The following FGF12 variants were observed in gnomAD, a reference collection of about 807,000 sequenced individuals.
FGF12 encodes fibroblast growth factor 12B.
FGF12 carries 14 observed loss-of-function variants against 23.6 expected under a neutral mutation model. That is an observed-to-expected ratio of 0.59 (90% CI 0.39 to 0.93). The LOEUF is 0.93. Among genes scored for constraint, FGF12 ranks in the 40% least tolerant of loss-of-function variants. FGF12 has a pLI of 0.00. For missense variants in FGF12, 175 were observed against 217.8 expected, an observed-to-expected ratio of 0.80 and a Z score of 1.24; for synonymous variants, 62 against 77.3, an observed-to-expected ratio of 0.80 and a Z score of 1.04.
At chr3:192,150,687 G>A (rs1473744237) in intron 5 of FGF12, among the ~76,000 whole-genome samples, 2 of 149,326 alleles carry the variant, frequency 1.3e-5, no homozygotes, top group South Asian at 2.2e-4. Context: ...CTCTGTTTTG[G>A]TACCAGTACC....
chr3:192,448,813 TGCCATAC>T (rs1722436415), intron 2 of FGF12, among the ~76,000 whole-genome samples: 1 of 152,240 alleles, frequency 6.6e-6, no homozygotes, highest in African/African-American at 2.4e-5. Context: ...GCCACCAATA[TGCCATAC>T]AGTTTAGCTT....
intron 2 of FGF12, among the ~76,000 whole-genome samples, chr3:192,629,509 A>G (rs953126246): frequency 3.3e-5 from 5 of 152,234 alleles, no homozygotes; most frequent in Admixed American, 1.3e-4. Flanking sequence ...TGGGCTCAGA[A>G]GTCAGATGAA....
intron 2 of FGF12, among the ~76,000 whole-genome samples, chr3:192,489,836 A>C (rs1454175690): frequency 6.6e-6 from 1 of 152,018 alleles, no homozygotes; most frequent in African/African-American, 2.4e-5. Flanking sequence ...CAGAGGGTGG[A>C]GGCTGGGAAG....
At chr3:192,691,842 TA>T (rs1200804288) in intron 2 of FGF12, among the ~76,000 whole-genome samples, 3 of 147,434 alleles carry the variant, frequency 2.0e-5, no homozygotes, top group African/African-American at 7.3e-5. Context: ...AACATTACAA[TA>T]AATGCCTCAG....
intron 2 of FGF12, among the ~76,000 whole-genome samples, chr3:192,690,584 TAC>T (rs746028795): frequency 3.5e-5 from 1 of 28,472 alleles, no homozygotes; most frequent in African/African-American, 1.6e-4. Flanking sequence ...ACCACAACAC[TAC>T]AAAAAAAAAA....
chr3:192,305,673 A>ATAT (rs1220775469), intron 4 of FGF12, among the ~76,000 whole-genome samples: 4 of 117,692 alleles, frequency 3.4e-5, no homozygotes, highest in African/African-American at 1.5e-4. Context: ...TAGGAAAAAA[A>ATAT]AAAAAAATAT....
At position 192,170,464 on chromosome 3, in the gene FGF12, T is replaced by C. The variant is rs909281332; in HGVS notation, c.421A>G (p.Ile141Val). 5.6e-6 allele frequency: 9 copies of C among 1,613,698 alleles called. No individual in the cohort carries two copies. In the African/African-American group the frequency reaches 1.1e-4, roughly 19 times the overall value. The change falls in exon 5 of 6, where the codon ATT becomes GTT. Residue 141 changes from isoleucine to valine, a missense_variant. Transcript: ENST00000445105. ...KPSSHFVPKP[I>V]EVCMYREPSL... Reference sequence around the variant, plus strand: ...CAGTCAGTTGGTTTCATACCTTCAATAGGTTTCGGTACAAAATGTGATGAG... The same window carrying C: ...CAGTCAGTTGGTTTCATACCTTCAACAGGTTTCGGTACAAAATGTGATGAG...
chr3:192,234,047 CT>C (rs2108587498), intron 4 of FGF12, among the ~76,000 whole-genome samples: 1 of 152,154 alleles, frequency 6.6e-6, no homozygotes, highest in African/African-American at 2.4e-5. Context: ...TATTCCAGCT[CT>C]TTTTTAGGTT....
intron 2 of FGF12, among the ~76,000 whole-genome samples, chr3:192,508,123 G>A (rs562880864): frequency 4.1e-4 from 62 of 152,276 alleles, no homozygotes; most frequent in Non-Finnish European, 8.1e-4. Flanking sequence ...AAGTAACAAC[G>A]TGGGCAATCA....
chr3:192,519,183 C>T (rs535410043), intron 2 of FGF12, among the ~76,000 whole-genome samples: 3 of 152,334 alleles, frequency 2.0e-5, no homozygotes, highest in Admixed American at 1.3e-4. Flanking sequence ...TCCCCACCCT[C>T]ATGTCCTTTT....
intron 4 of FGF12, among the ~76,000 whole-genome samples, chr3:192,277,507 A>G (rs923497314): frequency 6.6e-6 from 1 of 152,194 alleles, no homozygotes; most frequent in Admixed American, 6.5e-5. Flanking sequence ...CTGTTTGATC[A>G]ATCTCTATAG....
At chr3:192,724,542 C>T (rs879249047) in intron 2 of FGF12, among the ~76,000 whole-genome samples, 6 of 152,128 alleles carry the variant, frequency 3.9e-5, no homozygotes, top group Admixed American at 2.0e-4. Context: ...TTAAGATACG[C>T]AAGGCACAAA....
At chr3:192,368,302 C>A (rs6444637) in intron 2 of FGF12, among the ~76,000 whole-genome samples, 13 of 152,030 alleles carry the variant, frequency 8.6e-5, no homozygotes, top group East Asian at 3.9e-4. Context: ...AAACATAAAG[C>A]GTGCATTCTA....
intron 2 of FGF12, among the ~76,000 whole-genome samples, chr3:192,392,795 T>C (rs1720365024): frequency 6.6e-6 from 1 of 152,210 alleles, no homozygotes; most frequent in Non-Finnish European, 1.5e-5. Context: ...AGATTATAAG[T>C]AGACAATGGA....
intron 2 of FGF12, among the ~76,000 whole-genome samples, chr3:192,617,794 T>C (rs1177690569): frequency 6.6e-6 from 1 of 151,812 alleles, no homozygotes; most frequent in African/African-American, 2.4e-5. Flanking sequence ...ACAAGGAAAA[T>C]GCTAAGTAGG....
chr3:192,293,773 C>T (rs1263750262), intron 4 of FGF12, among the ~76,000 whole-genome samples: 2 of 152,242 alleles, frequency 1.3e-5, no homozygotes, highest in East Asian at 3.9e-4. Context: ...TCTTGCTTAT[C>T]TTCATCTGTT....
chr3:192,357,279 C>G (rs1278731239), intron 3 of FGF12, among the ~76,000 whole-genome samples: 2 of 152,000 alleles, frequency 1.3e-5, no homozygotes, highest in Non-Finnish European at 2.9e-5. Flanking sequence ...GTCAGGAGAT[C>G]GAGACCATCC....
chr3:192,255,691 A>T (rs1457695427), intron 4 of FGF12, among the ~76,000 whole-genome samples: 2 of 152,068 alleles, frequency 1.3e-5, no homozygotes, highest in South Asian at 2.1e-4. Context: ...CAATATTTAA[A>T]ATGGTATTTG....
At position 192,444,202 on chromosome 3, in the gene FGF12, A is replaced by C. The variant is rs542127052; in HGVS notation, c.14-83664T>G. On this transcript the variant is annotated intron_variant, in intron 2 of 5. Transcript: ENST00000445105. ...CCAGCCTGCCACAGTGTGTGACATC[A>C]CCCATATCCCCTCCAGTTCTCTCCG... 2.9e-3 allele frequency among the ~76,000 whole-genome samples: 448 copies of C among 152,142 alleles called. 2 individuals carry two copies. Among genetic ancestry groups the C allele is most frequent in the African/African-American group, 0.01 (424 of 41,492 alleles).
Sources: gnomAD v4.1 joint callset for allele counts (sites outside exome capture counted in the v4.1 genomes callset) on GRCh38, gnomAD v4.1.1 for gene constraint, MANE v1.5 for transcripts, NCBI Gene and HGNC (gene_info 2026-07-23, HGNC 2026-07-21) for gene names.